AOPEP: variants seen among roughly 807,000 people sequenced by gnomAD.
AOPEP encodes the protein aminopeptidase O.
In AOPEP, 77 loss-of-function variants were observed where a neutral mutation model predicts 98.1. The observed-to-expected ratio is 0.78, with a 90% CI of 0.65 to 0.95. AOPEP has a LOEUF of 0.95. Ranked by LOEUF, AOPEP falls within the 40% of genes least tolerant of loss-of-function variation. The pLI is 0.00. For synonymous variants in AOPEP, 346 were observed against 365.3 expected (o/e 0.95, Z 0.60); for missense variants, 1,024 against 1,024.7 (o/e 1.00, Z 0.01).
At chr9:94,818,835 A>G (rs1852288731) in intron 5 of AOPEP, among the ~76,000 whole-genome samples, 1 of 152,180 alleles carries the variant, frequency 6.6e-6, no homozygotes, top group Admixed American at 6.5e-5. Flanking sequence ...TGTACTAAAA[A>G]TACAAAAAAT....
At chr9:94,937,143 C>G (rs2056392100) in intron 7 of AOPEP, among the ~76,000 whole-genome samples, 1 of 152,238 alleles carries the variant, frequency 6.6e-6, no homozygotes, top group Admixed American at 6.5e-5. Flanking sequence ...TCCCAACCCT[C>G]TAATGCTGCC....
chr9:94,994,998 T>C (rs1158699008), intron 11 of AOPEP, among the ~76,000 whole-genome samples: 1 of 152,206 alleles, frequency 6.6e-6, no homozygotes, highest in African/African-American at 2.4e-5. Flanking sequence ...GATATTCTTG[T>C]AATAACAGTC....
At chr9:95,149,806 A>G in the AOPEP span, 1 of 1,165,838 alleles carries the variant, frequency 8.6e-7, no homozygotes, top group Admixed American at 2.0e-5. Context: ...TTAAGAGTAT[A>G]AAGGGTACTG....
chr9:94,965,911 G>C (rs776099115), intron 9 of AOPEP, among the ~76,000 whole-genome samples: 1 of 146,070 alleles, frequency 6.8e-6, no homozygotes, highest in Non-Finnish European at 1.5e-5. Flanking sequence ...GGGAGGCTTC[G>C]GTCTGCAGTT....
At chr9:94,822,351 C>T (rs1407035330) in intron 5 of AOPEP, among the ~76,000 whole-genome samples, 1 of 152,116 alleles carries the variant, frequency 6.6e-6, no homozygotes, top group Non-Finnish European at 1.5e-5. Context: ...TCTCTAAGAC[C>T]AAGGGAAATG....
intron 2 of AOPEP, among the ~76,000 whole-genome samples, chr9:94,765,185 ACTC>A (rs1468852491): frequency 6.6e-6 from 1 of 151,040 alleles, no homozygotes; most frequent in Admixed American, 6.6e-5. Flanking sequence ...CTGGTCTCGA[ACTC>A]CTGGGCCCAA....
intron 2 of AOPEP, among the ~76,000 whole-genome samples, chr9:94,764,900 G>T (rs989247293): frequency 2.6e-5 from 4 of 151,982 alleles, no homozygotes; most frequent in African/African-American, 9.7e-5. Context: ...ATAAGACAGG[G>T]TCTCACTCTG....
At chr9:94,823,380 A>G (rs1853715410) in intron 5 of AOPEP, among the ~76,000 whole-genome samples, 1 of 152,202 alleles carries the variant, frequency 6.6e-6, no homozygotes, top group East Asian at 1.9e-4. Context: ...TTACTCCTTT[A>G]TTAACACATG....
intron 5 of AOPEP, among the ~76,000 whole-genome samples, chr9:94,823,195 C>T (rs150891531): frequency 0.056 from 8,497 of 152,148 alleles, 355 homozygotes; most frequent in South Asian, 0.11. Flanking sequence ...GGGGTTTCTC[C>T]GTGTTGGTCA....
chr9:94,902,928 C>T (rs1216495454), intron 5 of AOPEP, among the ~76,000 whole-genome samples: 1 of 151,648 alleles, frequency 6.6e-6, no homozygotes, highest in East Asian at 2.0e-4. Flanking sequence ...GTGGTGCATG[C>T]CTGTAATCCC....
chr9:94,778,227 A>G (rs753531143), intron 3 of AOPEP, among the ~76,000 whole-genome samples: 169 of 152,318 alleles, frequency 1.1e-3, no homozygotes, highest in Non-Finnish European at 2.1e-3. Context: ...CACTTTGGAA[A>G]TAGTTTGGCA....
chr9:95,020,176 TGTCTGCCCAG>T (rs1215768631), intron 13 of AOPEP: 1 of 152,286 alleles, frequency 6.6e-6, no homozygotes, highest in African/African-American at 2.4e-5. Context: ...TTTTTCCAGC[TGTCTGCCCAG>T]GTAGCTCCCC....
At chr9:94,910,268 G>A (rs572726078) in intron 5 of AOPEP, among the ~76,000 whole-genome samples, 1 of 152,282 alleles carries the variant, frequency 6.6e-6, no homozygotes, top group South Asian at 2.1e-4. Flanking sequence ...CACCTGTGGA[G>A]AGTGGCTCTG....
intron 7 of AOPEP, among the ~76,000 whole-genome samples, chr9:94,953,427 C>T (rs895289549): frequency 1.3e-5 from 2 of 152,062 alleles, no homozygotes; most frequent in African/African-American, 4.8e-5. Context: ...GATAATGTCC[C>T]AGAGTATTCA....
At chr9:95,098,568 T>G in the AOPEP span, among the ~76,000 whole-genome samples, 5 of 152,016 alleles carry the variant, frequency 3.3e-5, no homozygotes, top group African/African-American at 1.2e-4. Flanking sequence ...GAAACCCCAC[T>G]GCAGTGGGGG....
At chr9:94,942,822 T>C (rs1309662005) in intron 7 of AOPEP, among the ~76,000 whole-genome samples, 2 of 151,254 alleles carry the variant, frequency 1.3e-5, no homozygotes, top group Non-Finnish European at 2.9e-5. Flanking sequence ...TTTACATCGC[T>C]TGAACCCGGG....
At chr9:94,990,334 G>C (rs2060812377) in intron 11 of AOPEP, among the ~76,000 whole-genome samples, 1 of 152,172 alleles carries the variant, frequency 6.6e-6, no homozygotes, top group Non-Finnish European at 1.5e-5. Flanking sequence ...CCCACAGAAA[G>C]AGTCACTGAA....
intron 5 of AOPEP, among the ~76,000 whole-genome samples, chr9:94,849,509 T>C (rs988793506): frequency 3.4e-5 from 5 of 148,984 alleles, no homozygotes; most frequent in Non-Finnish European, 5.9e-5. Flanking sequence ...TTTCTTTCTT[T>C]TTTTTTTTTT....
chr9:94,743,244 G>GGAAGAAGAGGAA (rs1833673982), intron 1 of AOPEP, among the ~76,000 whole-genome samples: 2 of 95,744 alleles, frequency 2.1e-5, no homozygotes, highest in African/African-American at 3.9e-5. Flanking sequence ...AAGAAGAAGA[G>GGAAGAAGAGGAA]GAAGAAGAGG....
Sources: gnomAD v4.1 joint callset for allele counts (sites outside exome capture counted in the v4.1 genomes callset) on GRCh38, gnomAD v4.1.1 for gene constraint, MANE v1.5 for transcripts, NCBI Gene and HGNC (gene_info 2026-07-23, HGNC 2026-07-21) for gene names.